The following TNRC6B variants were observed in gnomAD, a reference collection of about 807,000 sequenced individuals.
TNRC6B encodes trinucleotide repeat containing adaptor 6B, also known as trinucleotide repeat-containing gene 6B protein.
In TNRC6B, 52 loss-of-function variants were observed where a neutral mutation model predicts 203.6. The observed-to-expected ratio is 0.26, with a 90% confidence interval of 0.20 to 0.32. The LOEUF (loss-of-function observed/expected upper bound fraction) is 0.32. Ranked by LOEUF, TNRC6B falls within the 10% of genes least tolerant of loss-of-function variation. The pLI is 1.00. For missense variants in TNRC6B, 1,923 were observed against 2,286.2 expected, an observed-to-expected ratio of 0.84 and a Z score of 3.24; for synonymous variants, 838 against 845.7, an observed-to-expected ratio of 0.99 and a Z score of 0.16.
intron 1 of TNRC6B, among the ~76,000 whole-genome samples, chr22:40,079,785 AT>A (rs907936460): frequency 3.6e-4 from 53 of 148,670 alleles, no homozygotes; most frequent in African/African-American, 1.0e-3. Context: ...CACCTGGCTA[AT>A]TTTTTTTTTA....
chr22:40,111,432 C>T (rs1199692890), intron 1 of TNRC6B, among the ~76,000 whole-genome samples: 1 of 151,958 alleles, frequency 6.6e-6, no homozygotes, highest in Non-Finnish European at 1.5e-5. Context: ...AGGGGTGGGT[C>T]TTGAGGGTAG....
chr22:40,310,132 G>A (rs915221032), intron 16 of TNRC6B, among the ~76,000 whole-genome samples: 1 of 152,146 alleles, frequency 6.6e-6, no homozygotes, highest in Non-Finnish European at 1.5e-5. Flanking sequence ...GCATGATGGG[G>A]GCAGCGACAA....
intron 22 of TNRC6B, among the ~76,000 whole-genome samples, chr22:40,322,479 C>T (rs1256528768): frequency 6.6e-6 from 1 of 152,154 alleles, no homozygotes; most frequent in South Asian, 2.1e-4. Flanking sequence ...TCTGCCAGTT[C>T]AGTCATCCCT....
At chr22:40,281,333 G>A (rs771647492) in intron 11 of TNRC6B, 44 bp downstream of exon 11, 64 of 1,474,064 alleles carry the variant, frequency 4.3e-5, no homozygotes, top group Non-Finnish European at 5.4e-5. Flanking sequence ...CTATGGCCTC[G>A]CCTTGGTCCT....
intron 1 of TNRC6B, among the ~76,000 whole-genome samples, chr22:40,238,625 A>C (rs976948632): frequency 6.6e-6 from 1 of 152,018 alleles, no homozygotes; most frequent in Non-Finnish European, 1.5e-5. Context: ...CCAGATACCC[A>C]CATGGCCCCA....
intron 1 of TNRC6B, among the ~76,000 whole-genome samples, chr22:40,220,635 T>C (rs1051487882): frequency 8.5e-5 from 13 of 152,204 alleles, no homozygotes; most frequent in Admixed American, 3.3e-4. Flanking sequence ...AGTTTAGTTT[T>C]GATGCTCGGT....
intron 3 of TNRC6B, among the ~76,000 whole-genome samples, chr22:40,130,824 G>C (rs1017568839): frequency 6.7e-6 from 1 of 150,182 alleles, no homozygotes; most frequent in African/African-American, 2.5e-5. Flanking sequence ...ATGAATAAAC[G>C]GTCAATATGG....
intron 1 of TNRC6B, among the ~76,000 whole-genome samples, chr22:40,056,652 A>G (rs1426825492): frequency 6.6e-6 from 1 of 151,984 alleles, no homozygotes; most frequent in Non-Finnish European, 1.5e-5. Flanking sequence ...TTAAACATCA[A>G]CTGAGCATGA....
chr22:40,235,672 AT>A lies in TNRC6B; in HGVS notation c.6-10341del, dbSNP rs1272030044. Among the ~76,000 whole-genome samples the A allele has an allele frequency of 2.6e-5, 4 of 152,354 alleles. No individual in the cohort carries two copies. In the East Asian group the frequency reaches 7.7e-4, roughly 29 times the overall value. On this transcript the variant is annotated intron_variant, in intron 1 of 22. Transcript: ENST00000454349. ...CTAAAATTCCTGGGAAAAGAATTGT[AT>A]TGTGAATTATGTGTCAGAGGAGCAT...
intron 7 of TNRC6B, among the ~76,000 whole-genome samples, chr22:40,274,199 A>T (rs903297348): frequency 1.3e-5 from 2 of 152,152 alleles, no homozygotes; most frequent in African/African-American, 4.8e-5. Flanking sequence ...GGCATACTTT[A>T]TAAATGCTTT....
intron 21 of TNRC6B, 74 bp from the exon 22 acceptor site, chr22:40,321,016 G>A (rs1297170775): frequency 6.4e-7 from 1 of 1,571,308 alleles, no homozygotes; most frequent in African/African-American, 1.3e-5. Context: ...CTCAGCCAGT[G>A]CTTTGAATAT....
chr22:40,168,024 T>C (rs558829853), intron 4 of TNRC6B, among the ~76,000 whole-genome samples: 1 of 152,354 alleles, frequency 6.6e-6, no homozygotes, highest in Admixed American at 6.5e-5. Flanking sequence ...ATTCTGGTCC[T>C]ATCTATCTGT....
rs548759125 is a variant in TNRC6B at position 40,333,604 on chromosome 22, G to GT, written c.*10366dup. The GT allele has an allele frequency of 4.0e-3, 609 of 152,664 alleles. 4 individuals carry two copies. Among genetic ancestry groups the GT allele is most frequent in the Non-Finnish European group, 7.3e-3 (496 of 68,028 alleles). The allele number at this position is 152,664 out of a possible 1,614,324, so 9.5% of individuals were successfully genotyped here. A position where few individuals can be genotyped will look rare whatever the true frequency, so the allele number is the denominator to read the frequency against. ...GAAGGATGTAGTCCCTGGCATTTTG[G>GT]TTTGCACTGTAGAATCCATAGCCTT... On this transcript the variant is annotated 3_prime_UTR_variant, in exon 23 of 23. Transcript: ENST00000454349.
intron 1 of TNRC6B, among the ~76,000 whole-genome samples, chr22:40,059,203 TC>T (rs972499352): frequency 6.6e-6 from 1 of 152,204 alleles, no homozygotes; most frequent in Non-Finnish European, 1.5e-5. Context: ...CAATTCATTG[TC>T]CCCCTTACTC....
Position 40,329,326 on chromosome 22 carries a change from A to G in TNRC6B, c.*6085A>G, listed in dbSNP as rs576965951. On this transcript the variant is annotated 3_prime_UTR_variant, in exon 23 of 23. Coordinates refer to ENST00000454349, the MANE Select transcript of TNRC6B (RefSeq NM_001162501.2). ...TCTGTAAGAAAACAGAATATTATCTAGATTTCCAGAGTTAGTGCAGACCCT... is the reference window on the plus strand; with the variant it reads ...TCTGTAAGAAAACAGAATATTATCTGGATTTCCAGAGTTAGTGCAGACCCT... 1.2e-4 allele frequency: 18 copies of G among 152,366 alleles called. No homozygotes were observed. The highest frequency in any genetic ancestry group is 4.1e-4 in the African/African-American group (17 of 41,576). The allele number at this position is 152,366 out of a possible 1,614,324, so 9.4% of individuals were successfully genotyped here.
At chr22:40,273,697 C>A in intron 7 of TNRC6B, 97 bp downstream of exon 7, 1 of 1,346,660 alleles carries the variant, frequency 7.4e-7, no homozygotes, top group Non-Finnish European at 9.9e-7. Context: ...CAAGTTCTCC[C>A]TCTGTCACCC....
intron 1 of TNRC6B, among the ~76,000 whole-genome samples, chr22:40,076,866 C>A (rs1174519812): frequency 6.6e-6 from 1 of 151,998 alleles, no homozygotes; most frequent in Non-Finnish European, 1.5e-5. Context: ...ACCCTGTGAC[C>A]CAGCAATTCT....
At chr22:40,208,124 A>AC (rs1391930760) in intron 1 of TNRC6B, among the ~76,000 whole-genome samples, 3 of 150,282 alleles carry the variant, frequency 2.0e-5, no homozygotes, top group Non-Finnish European at 3.0e-5. Flanking sequence ...AAAAAAAAAA[A>AC]AAAAAAAACA....
intron 1 of TNRC6B, chr22:40,106,787 A>AAAT (rs2068287111): frequency 7.4e-6 from 7 of 947,870 alleles, no homozygotes; most frequent in Non-Finnish European, 1.2e-5. Context: ...TCTGATCCTG[A>AAAT]TGGCAAATGC....
Sources: gnomAD v4.1 joint callset for allele counts (sites outside exome capture counted in the v4.1 genomes callset) on GRCh38, gnomAD v4.1.1 for gene constraint, MANE v1.5 for transcripts, NCBI Gene and HGNC (gene_info 2026-07-23, HGNC 2026-07-21) for gene names.